HELZ: variants seen among roughly 807,000 people sequenced by gnomAD.
HELZ encodes the protein ATP-dependent RNA helicase with zinc finger domain.
In HELZ, 23 loss-of-function variants were observed where a neutral mutation model predicts 218.2. The observed-to-expected ratio is 0.11, with a 90% CI of 0.08 to 0.15. The LOEUF (loss-of-function observed/expected upper bound fraction) is 0.15. Among genes scored for constraint, HELZ ranks in the 10% least tolerant of loss-of-function variants. The pLI is 1.00. For synonymous variants in HELZ, 814 were observed against 829.4 expected, an observed-to-expected ratio of 0.98 and a Z score of 0.32; for missense variants, 1,813 against 2,353.7, an observed-to-expected ratio of 0.77 and a Z score of 4.75.
rs2038508547 is a variant in HELZ at position 67,146,686 on chromosome 17, TGA to T, written c.2622-798_2622-797del. Reference sequence around the variant, plus strand: ...CACCATCTAGTACTTGACTCATCAGTGACTGTAGCAAATGACTGAAAATAATA... The same window carrying T: ...CACCATCTAGTACTTGACTCATCAGTCTGTAGCAAATGACTGAAAATAATA... On this transcript the variant is annotated intron_variant, in intron 20 of 32. Coordinates refer to ENST00000358691, the MANE Select transcript of HELZ (RefSeq NM_014877.4). Among the ~76,000 whole-genome samples, 3 of 152,332 alleles carry T rather than the reference TGA, an allele frequency of 2.0e-5. No individual in the cohort carries two copies. In the South Asian group the frequency reaches 6.2e-4, roughly 32 times the overall value.
chr17:67,099,231 T>C (rs1486061080), intron 31 of HELZ, among the ~76,000 whole-genome samples: 1 of 152,242 alleles, frequency 6.6e-6, no homozygotes, highest in Non-Finnish European at 1.5e-5. Context: ...TGAGTATTCC[T>C]TCTACATACA....
At chr17:67,144,524 A>G (rs1399926410) in intron 21 of HELZ, among the ~76,000 whole-genome samples, 1 of 151,854 alleles carries the variant, frequency 6.6e-6, no homozygotes, top group African/African-American at 2.4e-5. Context: ...CTGACAGTCC[A>G]TGAACCGGCA....
intron 5 of HELZ, among the ~76,000 whole-genome samples, chr17:67,204,582 T>C (rs1158461173): frequency 6.6e-6 from 1 of 152,200 alleles, no homozygotes; most frequent in East Asian, 1.9e-4. Context: ...CCTTATAAGA[T>C]AATAATTCCA....
chr17:67,227,864 T>C (rs1303119411), intron 3 of HELZ, among the ~76,000 whole-genome samples: 1 of 152,252 alleles, frequency 6.6e-6, no homozygotes, highest in African/African-American at 2.4e-5. Flanking sequence ...TTAACTTCTC[T>C]TGTTAATGTA....
chr17:67,147,576 C>T (rs1381272405), intron 20 of HELZ, among the ~76,000 whole-genome samples: 1 of 151,972 alleles, frequency 6.6e-6, no homozygotes, highest in Non-Finnish European at 1.5e-5. Flanking sequence ...CTCTTGGGTT[C>T]AAGAAACCCT....
intron 21 of HELZ, among the ~76,000 whole-genome samples, chr17:67,140,568 T>C (rs977830233): frequency 1.3e-5 from 2 of 151,868 alleles, no homozygotes; most frequent in African/African-American, 4.8e-5. Flanking sequence ...GCAGAAAAAA[T>C]AGCCTCAAAG....
intron 28 of HELZ, among the ~76,000 whole-genome samples, chr17:67,112,855 G>A (rs2037321453): frequency 6.6e-6 from 1 of 152,072 alleles, no homozygotes; most frequent in Admixed American, 6.5e-5. Context: ...AAAAGACGGA[G>A]GTCATGTTAG....
chr17:67,238,499 T>C (rs1436491016), intron 3 of HELZ, among the ~76,000 whole-genome samples: 1 of 151,980 alleles, frequency 6.6e-6, no homozygotes, highest in Non-Finnish European at 1.5e-5. Flanking sequence ...CTGGCCAACA[T>C]GGTAAAGCCC....
At chr17:67,199,771 ATTT>A in intron 7 of HELZ, among the ~76,000 whole-genome samples, 1 of 152,286 alleles carries the variant, frequency 6.6e-6, no homozygotes. Flanking sequence ...ACATTACTAC[ATTT>A]GGAATGGAAA....
At chr17:67,141,257 T>C (rs1181883645) in intron 21 of HELZ, among the ~76,000 whole-genome samples, 1 of 152,174 alleles carries the variant, frequency 6.6e-6, no homozygotes, top group African/African-American at 2.4e-5. Context: ...TATAATTGTA[T>C]TGTTAGGCTA....
chr17:67,171,596 T>C (rs978432142), intron 13 of HELZ, among the ~76,000 whole-genome samples: 1 of 152,202 alleles, frequency 6.6e-6, no homozygotes, highest in Non-Finnish European at 1.5e-5. Context: ...CATGACTTCT[T>C]GTCTCAAATC....
chr17:67,221,994 C>T (rs1378045420), intron 3 of HELZ, among the ~76,000 whole-genome samples: 1 of 151,980 alleles, frequency 6.6e-6, no homozygotes, highest in Non-Finnish European at 1.5e-5. Flanking sequence ...CATGCCACCA[C>T]AACCGGCTAA....
intron 32 of HELZ, among the ~76,000 whole-genome samples, chr17:67,085,790 C>A (rs1005357747): frequency 5.9e-5 from 9 of 152,014 alleles, no homozygotes; most frequent in Admixed American, 4.6e-4. Context: ...AGAATTCAAG[C>A]AGTATAATTA....
intron 3 of HELZ, among the ~76,000 whole-genome samples, chr17:67,238,261 C>T (rs1346610084): frequency 1.4e-5 from 2 of 148,004 alleles, no homozygotes; most frequent in Non-Finnish European, 3.0e-5. Flanking sequence ...TAAGGAGAAT[C>T]GCTTGAACCT....
chr17:67,150,978 T>C (rs2038664359), intron 18 of HELZ, 68 bp downstream of exon 18: 3 of 1,390,346 alleles, frequency 2.2e-6, no homozygotes, highest in Non-Finnish European at 3.0e-6. Flanking sequence ...CACTGTAGTT[T>C]GCCAATCCCA....
chr17:67,182,208 A>G (rs1216000514), intron 12 of HELZ, among the ~76,000 whole-genome samples: 1 of 152,080 alleles, frequency 6.6e-6, no homozygotes, highest in Non-Finnish European at 1.5e-5. Flanking sequence ...TTGGGAGGCC[A>G]AGGAAGGCAG....
At chr17:67,201,758 A>C (rs1162743125) in intron 6 of HELZ, among the ~76,000 whole-genome samples, 1 of 152,230 alleles carries the variant, frequency 6.6e-6, no homozygotes, top group East Asian at 1.9e-4. Context: ...ACTTATACAG[A>C]AAAGCCCTTT....
chr17:67,215,925 A>G lies in HELZ; in HGVS notation c.221T>C (p.Val74Ala). Reference sequence around the variant, plus strand: ...ATGTCTACAATCTTCATCAGCTTGCACATAATTTTTCTGCAAAACAAAAAT... The same window carrying G: ...ATGTCTACAATCTTCATCAGCTTGCGCATAATTTTTCTGCAAAACAAAAAT... ...IASFLQLKNY[V>A]QADEDCRHVL... The change falls in exon 5 of 33, where the codon GTG (valine) becomes GCG (alanine). Residue 74 changes from valine (V) to alanine (A), a missense_variant. By Grantham distance (64) the Val-to-Ala change is moderately conservative (BLOSUM62 0). Around this residue, in one of 4 missense-constraint regions of HELZ, gnomAD observed 714 missense variants for 1,029.2 expected, o/e 0.69. Transcript: ENST00000358691. 6.4e-7 allele frequency: 1 copy of G among 1,554,900 alleles called. No homozygotes were observed. Among genetic ancestry groups the G allele is most frequent in the Non-Finnish European group, 8.9e-7 (1 of 1,129,324 alleles).
intron 6 of HELZ, 87 bp downstream of exon 6, chr17:67,203,232 G>T: frequency 7.3e-7 from 1 of 1,374,720 alleles, no homozygotes; most frequent in Non-Finnish European, 1.0e-6. Context: ...AAGAAAAAAA[G>T]ATACACTTTT....
Sources: gnomAD v4.1 joint callset for allele counts (sites outside exome capture counted in the v4.1 genomes callset) on GRCh38, gnomAD v4.1.1 for gene constraint, gnomAD v4.1.1 regional missense constraint, MANE v1.5 for transcripts, NCBI Gene and HGNC (gene_info 2026-07-23, HGNC 2026-07-21) for gene names.